PPM1H: variants seen among roughly 807,000 people sequenced by gnomAD.
The protein encoded by PPM1H is protein phosphatase, Mg2+/Mn2+ dependent 1H, also known as protein phosphatase 1H.
Under a neutral mutation model 54.9 loss-of-function variants are expected in PPM1H, and 27 were observed. The ratio of observed to expected loss-of-function variants is 0.49; its 90% CI spans 0.36 to 0.68. PPM1H has a LOEUF of 0.68. Among genes scored for constraint, PPM1H ranks in the 30% least tolerant of loss-of-function variants. The pLI, the probability that PPM1H is intolerant of heterozygous loss-of-function variation, is 0.00. For synonymous variants in PPM1H, 305 were observed against 270.8 expected (o/e 1.13, Z -1.24); for missense variants, 596 against 667.8 (o/e 0.89, Z 1.19).
intron 1 of PPM1H, among the ~76,000 whole-genome samples, chr12:62,893,349 C>G (rs572765740): frequency 1.3e-5 from 2 of 152,264 alleles, no homozygotes; most frequent in South Asian, 2.1e-4. Context: ...TGAGGCCTCT[C>G]TCCTTGAAGG....
chr12:62,669,705 G>A (rs999253392), intron 8 of PPM1H, among the ~76,000 whole-genome samples: 1 of 152,076 alleles, frequency 6.6e-6, no homozygotes, highest in Admixed American at 6.6e-5. Flanking sequence ...GCCAAGGCAG[G>A]GGGATCACTT....
Position 62,848,193 on chromosome 12 carries a change from T to A in PPM1H, c.246-15914A>T, listed in dbSNP as rs577815200. Among the ~76,000 whole-genome samples, 4 of 152,360 alleles carry A rather than the reference T, an allele frequency of 2.6e-5. No individual in the cohort carries two copies. In the South Asian group the frequency reaches 8.3e-4, roughly 32 times the overall value. ...ATCCTTTCTGTATTGACATGAAGTA[T>A]AAATTAATCAGTAAATACATAAAAT... On this transcript the variant is annotated intron_variant, in intron 1 of 9. Transcript: ENST00000228705.
chr12:62,902,134 G>A (rs1219408065), intron 1 of PPM1H, among the ~76,000 whole-genome samples: 2 of 151,950 alleles, frequency 1.3e-5, no homozygotes, highest in Non-Finnish European at 2.9e-5. Flanking sequence ...ACACTGAGGT[G>A]GGCAGATCAC....
chr12:62,867,741 C>T lies in PPM1H; in HGVS notation c.246-35462G>A, dbSNP rs111261594. ...TACAGGTGCCTGCCACCACACCTGG[C>T]TATTTTTTTTTTTTCTGTATTTTTA... is the stretch of plus-strand genomic sequence containing the variant. On this transcript the variant is annotated intron_variant, in intron 1 of 9. Transcript: ENST00000228705. 7.1e-3 allele frequency among the ~76,000 whole-genome samples: 638 copies of T among 89,648 alleles called. 4 individuals carry two copies. The highest frequency in any genetic ancestry group is 0.038 in the African/African-American group (596 of 15,798). 58.8% of individuals were successfully genotyped at this position (89,648 alleles called of 152,430 possible).
intron 5 of PPM1H, among the ~76,000 whole-genome samples, chr12:62,730,766 A>G (rs904814351): frequency 2.6e-5 from 4 of 152,216 alleles, no homozygotes; most frequent in African/African-American, 9.7e-5. Flanking sequence ...TGATTTATCA[A>G]GATAGAAAGT....
intron 6 of PPM1H, among the ~76,000 whole-genome samples, chr12:62,707,352 C>T (rs1163328308): frequency 6.6e-6 from 1 of 152,190 alleles, no homozygotes; most frequent in African/African-American, 2.4e-5. Context: ...TGAACAGTCA[C>T]TGGCTCACTG....
chr12:62,933,376 A>C (rs768389765), intron 1 of PPM1H, among the ~76,000 whole-genome samples: 5 of 152,074 alleles, frequency 3.3e-5, no homozygotes, highest in Non-Finnish European at 7.4e-5. Flanking sequence ...CCACCAGAAC[A>C]GGGTCAGCAT....
chr12:62,782,690 G>C (rs1476487251), intron 4 of PPM1H, among the ~76,000 whole-genome samples: 1 of 152,160 alleles, frequency 6.6e-6, no homozygotes, highest in African/African-American at 2.4e-5. Context: ...CAAAAACTTA[G>C]TGAGACACTT....
chr12:62,877,956 A>G (rs979953836), intron 1 of PPM1H, among the ~76,000 whole-genome samples: 12 of 152,110 alleles, frequency 7.9e-5, no homozygotes, highest in Admixed American at 6.5e-4. Flanking sequence ...GGAGTGCAGT[A>G]GCACAATCTC....
chr12:62,892,941 G>A (rs1192823917), intron 1 of PPM1H, among the ~76,000 whole-genome samples: 2 of 152,130 alleles, frequency 1.3e-5, no homozygotes, highest in African/African-American at 4.8e-5. Flanking sequence ...ACAAAGTCCT[G>A]GTCCCTCACT....
intron 3 of PPM1H, among the ~76,000 whole-genome samples, chr12:62,791,508 TA>T (rs1175015846): frequency 2.6e-5 from 4 of 152,238 alleles, no homozygotes; most frequent in African/African-American, 9.6e-5. Context: ...TATAAGTTGA[TA>T]AAGAGTCTGC....
At chr12:62,798,463 T>C (rs868405492) in intron 3 of PPM1H, among the ~76,000 whole-genome samples, 1 of 152,136 alleles carries the variant, frequency 6.6e-6, no homozygotes, top group Non-Finnish European at 1.5e-5. Context: ...CCAATTTCCA[T>C]AGTGGATTGG....
intron 5 of PPM1H, among the ~76,000 whole-genome samples, chr12:62,733,353 CA>C (rs1159852767): frequency 6.6e-6 from 1 of 152,168 alleles, no homozygotes; most frequent in African/African-American, 2.4e-5. Flanking sequence ...CTCCCAGGTT[CA>C]AGCAATTCTC....
intron 1 of PPM1H, among the ~76,000 whole-genome samples, chr12:62,849,810 A>G (rs1349354112): frequency 6.6e-6 from 1 of 152,178 alleles, no homozygotes; most frequent in Non-Finnish European, 1.5e-5. Context: ...CTTTTTATGA[A>G]TAAGTTAAAA....
At chr12:62,681,654 T>A (rs531205153) in intron 8 of PPM1H, among the ~76,000 whole-genome samples, 1 of 152,358 alleles carries the variant, frequency 6.6e-6, no homozygotes, top group African/African-American at 2.4e-5. Context: ...TTTCTTTAGA[T>A]GATATACTTC....
At chr12:62,868,890 C>T (rs758003887) in intron 1 of PPM1H, among the ~76,000 whole-genome samples, 2 of 152,216 alleles carry the variant, frequency 1.3e-5, no homozygotes, top group Non-Finnish European at 2.9e-5. Context: ...CTGAGGTTCC[C>T]TAAGCCTGTA....
chr12:62,661,914 C>T (rs2075886176), intron 9 of PPM1H, among the ~76,000 whole-genome samples: 1 of 152,118 alleles, frequency 6.6e-6, no homozygotes, highest in African/African-American at 2.4e-5. Flanking sequence ...AACTGTGTTC[C>T]CCTTGCAATT....
At chr12:62,682,547 G>A (rs570145333) in intron 8 of PPM1H, among the ~76,000 whole-genome samples, 1 of 152,158 alleles carries the variant, frequency 6.6e-6, no homozygotes. Flanking sequence ...TGTCACCAAG[G>A]CTCGAGAGCA....
In PPM1H at chr12:62,934,575, C is replaced by T; in HGVS notation, c.162G>A (p.Val54=). The change falls in exon 1 of 10, where the codon GTG becomes GTA. Residue 54 remains valine (V), a synonymous_variant. Coordinates refer to ENST00000228705, the MANE Select transcript of PPM1H (RefSeq NM_020700.2). The surrounding 1 kb of genome is among the most constrained non-coding windows in gnomAD (Gnocchi z 4.2). Reference sequence around the variant, plus strand: ...GGGCGATGTGGTCGGCGCTGCACTCCACCTCGTCCTGAGACAGCCCCAGGA... The same window carrying T: ...GGGCGATGTGGTCGGCGCTGCACTCTACCTCGTCCTGAGACAGCCCCAGGA... ...PEFLGLSQDE[V]ECSADHIARP... 5.1e-6 allele frequency: 8 copies of T among 1,559,760 alleles called. No individual in the cohort carries two copies. Among genetic ancestry groups the T allele is most frequent in the Non-Finnish European group, 6.1e-6 (7 of 1,153,114 alleles).
Sources: gnomAD v4.1 joint callset for allele counts (sites outside exome capture counted in the v4.1 genomes callset) on GRCh38, gnomAD v4.1.1 for gene constraint, Gnocchi (gnomAD v3.1) non-coding constraint, MANE v1.5 for transcripts, NCBI Gene and HGNC (gene_info 2026-07-23, HGNC 2026-07-21) for gene names.